Variants in EFL1 observed in about 807,000 individuals in gnomAD.
EFL1 encodes the protein elongation factor like GTPase 1.
In EFL1, 76 loss-of-function variants were observed where a neutral mutation model predicts 126.7. The ratio of observed to expected loss-of-function variants is 0.60; its 90% CI spans 0.50 to 0.73. The LOEUF is 0.73. Ranked by LOEUF, EFL1 falls within the 30% of genes least tolerant of loss-of-function variation. EFL1 has a pLI of 0.00. For missense variants in EFL1, 1,128 were observed against 1,343.2 expected, an observed-to-expected ratio of 0.84 and a Z score of 2.50; for synonymous variants, 410 against 448.4, an observed-to-expected ratio of 0.91 and a Z score of 1.08.
chr15:82,238,860 T>C (rs1399867952), intron 6 of EFL1, among the ~76,000 whole-genome samples: 2 of 152,174 alleles, frequency 1.3e-5, no homozygotes, highest in African/African-American at 4.8e-5. Flanking sequence ...ACAATCCTAG[T>C]TTGTAACCTT....
At chr15:82,248,487 G>T (rs1171773138) in intron 4 of EFL1, among the ~76,000 whole-genome samples, 3 of 152,102 alleles carry the variant, frequency 2.0e-5, no homozygotes, top group Non-Finnish European at 2.9e-5. Context: ...TAAAACCAGA[G>T]AGCCACAGAG....
chr15:82,228,470 GC>G (rs1306057998), intron 9 of EFL1, 143 bp from the exon 10 acceptor site: 11 of 1,066,980 alleles, frequency 1.0e-5, no homozygotes, highest in Non-Finnish European at 1.4e-5. Context: ...GAATCCTGCC[GC>G]CACACAAGGG....
intron 15 of EFL1, among the ~76,000 whole-genome samples, chr15:82,183,331 T>C (rs1260672901): frequency 6.6e-6 from 1 of 152,198 alleles, no homozygotes; most frequent in East Asian, 1.9e-4. Context: ...GAGATAAAAA[T>C]AAACTTGGCA....
intron 15 of EFL1, among the ~76,000 whole-genome samples, chr15:82,209,126 T>C (rs1364401705): frequency 6.6e-6 from 1 of 152,128 alleles, no homozygotes; most frequent in East Asian, 1.9e-4. Flanking sequence ...ATGCTGATAA[T>C]AAAGTACATT....
intron 15 of EFL1, among the ~76,000 whole-genome samples, chr15:82,208,667 C>A (rs183627171): frequency 1.3e-5 from 2 of 151,850 alleles, no homozygotes; most frequent in Admixed American, 1.3e-4. Context: ...TTCAAGGACG[C>A]CTTAATAATC....
At chr15:82,141,098 T>C (rs1193461149) in intron 18 of EFL1, among the ~76,000 whole-genome samples, 1 of 152,216 alleles carries the variant, frequency 6.6e-6, no homozygotes, top group African/African-American at 2.4e-5. Context: ...CCAATCTTGC[T>C]GTGACTAGAC....
At chr15:82,191,440 A>T (rs552765244) in intron 15 of EFL1, among the ~76,000 whole-genome samples, 8 of 152,336 alleles carry the variant, frequency 5.3e-5, no homozygotes, top group African/African-American at 1.9e-4. Context: ...AGCTAAAAGC[A>T]GACTGCACGG....
intron 15 of EFL1, among the ~76,000 whole-genome samples, chr15:82,194,076 A>T (rs2074385643): frequency 6.6e-6 from 1 of 152,176 alleles, no homozygotes; most frequent in African/African-American, 2.4e-5. Flanking sequence ...GACTTTACTG[A>T]AGACTCACTT....
At chr15:82,250,824 G>C (rs1289351973) in intron 4 of EFL1, among the ~76,000 whole-genome samples, 1 of 152,044 alleles carries the variant, frequency 6.6e-6, no homozygotes, top group Non-Finnish European at 1.5e-5. Context: ...CCGTTTTCAT[G>C]AATATTATTT....
intron 18 of EFL1, among the ~76,000 whole-genome samples, chr15:82,147,627 G>GAAAAAAAAA (rs375857086): frequency 2.4e-5 from 2 of 83,958 alleles, no homozygotes. Context: ...GGGCAATAGT[G>GAAAAAAAAA]AAAAAAAAAA....
chr15:82,194,421 T>C (rs1158922828), intron 15 of EFL1, among the ~76,000 whole-genome samples: 1 of 152,164 alleles, frequency 6.6e-6, no homozygotes, highest in Non-Finnish European at 1.5e-5. Flanking sequence ...AAGGAGAACA[T>C]TTCAGTACTG....
At chr15:82,205,113 G>A (rs1418016153) in intron 15 of EFL1, among the ~76,000 whole-genome samples, 1 of 152,202 alleles carries the variant, frequency 6.6e-6, no homozygotes, top group Non-Finnish European at 1.5e-5. Context: ...CTTGAGAGAA[G>A]ATGGTCTCAC....
At chr15:82,189,123 C>A (rs2074331782) in intron 15 of EFL1, among the ~76,000 whole-genome samples, 1 of 152,032 alleles carries the variant, frequency 6.6e-6, no homozygotes, top group Non-Finnish European at 1.5e-5. Context: ...AGACTACAAA[C>A]CTATACGCCG....
chr15:82,241,004 CAT>C (rs2074925291), intron 5 of EFL1, among the ~76,000 whole-genome samples: 1 of 152,194 alleles, frequency 6.6e-6, no homozygotes, highest in Admixed American at 6.5e-5. Flanking sequence ...AAGCCAAGAT[CAT>C]GCCACTGCAC....
At chr15:82,188,845 T>C (rs971599533) in intron 15 of EFL1, among the ~76,000 whole-genome samples, 9 of 152,172 alleles carry the variant, frequency 5.9e-5, no homozygotes, top group African/African-American at 2.2e-4. Context: ...TTTTAAGCAG[T>C]TCTTTGTTAA....
At chr15:82,226,306 C>T (rs2074763395) in intron 11 of EFL1, among the ~76,000 whole-genome samples, 1 of 152,136 alleles carries the variant, frequency 6.6e-6, no homozygotes, top group Non-Finnish European at 1.5e-5. Flanking sequence ...GTAGCAGGGA[C>T]TACAAGCGTG....
In EFL1 at chr15:82,252,804, C is replaced by T. The variant is rs759174585; in HGVS notation, c.160-29G>A. The T allele has an allele frequency of 2.5e-6, 3 of 1,198,626 alleles. No individual in the cohort carries two copies. The African/African-American group carries it at 4.5e-5, about 18-fold the overall frequency. 74.2% of individuals were successfully genotyped at this position (1,198,626 alleles called of 1,614,324 possible). On this transcript the variant is annotated intron_variant, in intron 3 of 19. Transcript: ENST00000268206. ...GAAAAATGCAACATATGCATCTTCA[C>T]TTCCCAAAGAATTAAAATGTAACAT...
At chr15:82,191,743 C>G (rs2074362176) in intron 15 of EFL1, among the ~76,000 whole-genome samples, 1 of 152,096 alleles carries the variant, frequency 6.6e-6, no homozygotes, top group Non-Finnish European at 1.5e-5. Context: ...TCACTCAGGG[C>G]CATCATGCTC....
chr15:82,159,753 A>G (rs2074003992), intron 16 of EFL1, among the ~76,000 whole-genome samples: 1 of 152,238 alleles, frequency 6.6e-6, no homozygotes, highest in Non-Finnish European at 1.5e-5. Flanking sequence ...CACTATATAC[A>G]TTTTACCAAA....
Sources: gnomAD v4.1 joint callset for allele counts (sites outside exome capture counted in the v4.1 genomes callset) on GRCh38, gnomAD v4.1.1 for gene constraint, MANE v1.5 for transcripts, NCBI Gene and HGNC (gene_info 2026-07-23, HGNC 2026-07-21) for gene names.